The following PLK3 variants were observed in gnomAD, a reference collection of about 807,000 sequenced individuals.
The protein encoded by PLK3 is polo like kinase 3.
Under a neutral mutation model 71.6 loss-of-function variants are expected in PLK3, and 41 were observed. That is an observed-to-expected ratio of 0.57 (90% CI 0.45 to 0.74). The LOEUF is 0.74. Among genes scored for constraint, PLK3 ranks in the 30% least tolerant of loss-of-function variants. The pLI is 0.00. For synonymous variants in PLK3, 366 were observed against 355.4 expected, an observed-to-expected ratio of 1.03 and a Z score of -0.33; for missense variants, 791 against 875.6, an observed-to-expected ratio of 0.90 and a Z score of 1.22.
chr1:44,800,943 A>T lies in PLK3; in HGVS notation c.314A>T (p.Glu105Val), dbSNP rs760745176. 1.9e-6 allele frequency: 3 copies of T among 1,612,862 alleles called. No homozygotes were observed. The South Asian group carries it at 3.3e-5, about 18-fold the overall frequency. Residue 105 changes from glutamate to valine, a missense_variant, in exon 2 of 15, where the codon GAG (glutamate) becomes GTG (valine). Transcript: ENST00000372201. The surrounding 1 kb of genome is among the most constrained non-coding windows in gnomAD (Gnocchi z 6.5). ...CGCGTCGCCAAGCCGCATCAGCGCGAGAAGGTGGGTCCAGGCTCAGCGGGC... is the reference window on the plus strand; with the variant it reads ...CGCGTCGCCAAGCCGCATCAGCGCGTGAAGGTGGGTCCAGGCTCAGCGGGC... ...QSRVAKPHQR[E>V]KILNEIELHR...
Position 44,800,712 on chromosome 1 carries a change from G to C in PLK3, c.210+39G>C, listed in dbSNP as rs1371011529. ...CGTCCGCGGGGTGGTGATGGTGGAG[G>C]TGGGGGTCCCGGCCGGCCTCTTTTC... On this transcript the variant is annotated intron_variant, in intron 1 of 14. Transcript: ENST00000372201. The surrounding 1 kb of genome is among the most constrained non-coding windows in gnomAD (Gnocchi z 6.5). 1 of 1,542,202 alleles carries C rather than the reference G, an allele frequency of 6.5e-7. No homozygotes were observed. The highest frequency in any genetic ancestry group is 8.7e-7 in the Non-Finnish European group (1 of 1,147,008).
chr1:44,804,019 G>A lies in PLK3; in HGVS notation c.1253G>A (p.Gly418Glu), dbSNP rs1247256112. Residue 418 changes from glycine to glutamate, a missense_variant, in exon 10 of 15, where the codon GGA (glycine) becomes GAA (glutamate). By Grantham distance (98) the Gly-to-Glu change is moderately conservative. Coordinates refer to ENST00000372201, the MANE Select transcript of PLK3 (RefSeq NM_004073.4). ...CCCCGTGGGACACTGGCAAGCAGTG[G>A]AGATGGTGAGGAGCCAGGGAGGATG... ...SSPRGTLASS[G>E]DGFEEGLTVA... 1 of 1,554,284 alleles carries A rather than the reference G, an allele frequency of 6.4e-7. No homozygotes were observed. The highest frequency in any genetic ancestry group is 1.2e-5 in the South Asian group (1 of 85,520).
At chr1:44,801,202 TC>T (rs1553161308) in intron 3 of PLK3, 50 bp downstream of exon 3, 35 of 622,366 alleles carry the variant, frequency 5.6e-5, no homozygotes, top group Admixed American at 9.4e-5. Context: ...GAGAAGACAG[TC>T]TTTTTTTTTT....
chr1:44,804,959 G>C (rs1340143390), intron 13 of PLK3, 180 bp downstream of exon 13: 2 of 627,566 alleles, frequency 3.2e-6, no homozygotes, highest in Admixed American at 6.0e-5. Context: ...CAACAAATTA[G>C]CCGGGCGTGG....
intron 13 of PLK3, 170 bp downstream of exon 13, chr1:44,804,949 C>A (rs1008509532): frequency 7.6e-6 from 5 of 655,990 alleles, no homozygotes; most frequent in African/African-American, 7.3e-5. Flanking sequence ...ACTAAAAATA[C>A]AACAAATTAG....
At position 44,802,911 on chromosome 1, in the gene PLK3, C is replaced by CGAG. The variant is rs1651877674; in HGVS notation, c.750-44_750-43insGAG. ...ACAGGTGGTGGGTGTGTGGGTGGAGCATCTCCTCCACTTTACTCCTGACCC... is the reference window on the plus strand; with the variant it reads ...ACAGGTGGTGGGTGTGTGGGTGGAGCGAGATCTCCTCCACTTTACTCCTGACCC... On this transcript the variant is annotated intron_variant, in intron 6 of 14. Coordinates refer to ENST00000372201, the MANE Select transcript of PLK3 (RefSeq NM_004073.4). 1.9e-6 allele frequency: 3 copies of CGAG among 1,590,258 alleles called. No homozygotes were observed. The African/African-American group carries it at 4.0e-5, about 21-fold the overall frequency.
At chr1:44,804,058 G>T in intron 10 of PLK3, 34 bp downstream of exon 10, 1 of 1,546,522 alleles carries the variant, frequency 6.5e-7, no homozygotes, top group Non-Finnish European at 8.9e-7. Flanking sequence ...GGTGATAGAG[G>T]TTGCTGGAGC....
intron 3 of PLK3, 51 bp downstream of exon 3, chr1:44,801,203 CTTTTTTTTTT>C (rs34463102): frequency 1.1e-4 from 39 of 345,230 alleles, no homozygotes; most frequent in East Asian, 2.1e-4. Flanking sequence ...AGAAGACAGT[CTTTTTTTTTT>C]TTTTTTTTTT....
chr1:44,800,822 G>A lies in PLK3; in HGVS notation c.211-18G>A. 6.2e-7 allele frequency: 1 copy of A among 1,602,430 alleles called. No individual in the cohort carries two copies. Among genetic ancestry groups the A allele is most frequent in the South Asian group, 1.1e-5 (1 of 90,134 alleles). On this transcript the variant is annotated intron_variant, in intron 1 of 14. Transcript: ENST00000372201. The surrounding 1 kb of genome is among the most constrained non-coding windows in gnomAD (Gnocchi z 6.5). ...TCGGCCCCCCTGGAACAACCAGCCT[G>A]ATGCCCCCTCTTCACAGGGGGGCTT...
At position 44,805,892 on chromosome 1, in the gene PLK3, G is replaced by A. The variant is rs1652023236; in HGVS notation, c.*214G>A. On this transcript the variant is annotated 3_prime_UTR_variant, in exon 15 of 15. Coordinates refer to ENST00000372201, the MANE Select transcript of PLK3 (RefSeq NM_004073.4). ...GAGCCTTAGCTCCCAGCTAGGGGGCGTTATTTATGGACCACTTTTATTTAT... is the reference window on the plus strand; with the variant it reads ...GAGCCTTAGCTCCCAGCTAGGGGGCATTATTTATGGACCACTTTTATTTAT... The A allele has an allele frequency of 2.1e-6, 3 of 1,443,738 alleles. No individual in the cohort carries two copies. The highest frequency in any genetic ancestry group is 1.8e-6 in the Non-Finnish European group (2 of 1,090,174). 89.4% of individuals were successfully genotyped at this position (1,443,738 alleles called of 1,614,324 possible). A position where few individuals can be genotyped will look rare whatever the true frequency, so the allele number is the denominator to read the frequency against.
In PLK3 at chr1:44,802,853, C is replaced by A; in HGVS notation, c.747C>A (p.Val249=). ...CGGATGTATGGTCACTGGGCTGTGT[C>A]ATGTGAGTTGCAGGGTCCAGGTTCA... ...PEADVWSLGC[V]MYTLLCGSPP... Residue 249 remains valine (V), a splice_region_variant and synonymous_variant, in exon 6 of 15, where the codon GTC becomes GTA. Coordinates refer to ENST00000372201, the MANE Select transcript of PLK3 (RefSeq NM_004073.4). 1.2e-6 allele frequency: 2 copies of A among 1,613,020 alleles called. No homozygotes were observed. Among genetic ancestry groups the A allele is most frequent in the Middle Eastern group, 1.7e-4 (1 of 6,056 alleles).
rs1234489006 is a variant in PLK3, at chr1:44,800,613, G to A, written c.150G>A (p.Gly50=). ...CCGGGCTACCGACGTCAGACCCCGG[G>A]CGCCTCATCACGGACCCGCGCAGCG... The part of the protein sequence containing the change: ...MLAGLPTSDP[G]RLITDPRSGR... Residue 50 remains glycine, a synonymous_variant, in exon 1 of 15, where the codon GGG becomes GGA. Transcript: ENST00000372201. The surrounding 1 kb of genome is among the most constrained non-coding windows in gnomAD (Gnocchi z 6.5). 1.3e-6 allele frequency: 2 copies of A among 1,540,458 alleles called. No individual in the cohort carries two copies. Among genetic ancestry groups the A allele is most frequent in the South Asian group, 2.4e-5 (2 of 83,954 alleles).
At position 44,805,380 on chromosome 1, in the gene PLK3, G is replaced by A. The variant is rs747267133; in HGVS notation, c.1749+1G>A. ...GCTGTTTAGTGATGGCACTGTCCAG[G>A]TAAGAGCCTATCCAGGAGTTGCGGG... is the stretch of plus-strand genomic sequence containing the variant. On this transcript the variant is annotated splice_donor_variant, in intron 14 of 14. Coordinates refer to ENST00000372201, the MANE Select transcript of PLK3 (RefSeq NM_004073.4). LOFTEE classifies it high-confidence loss of function. 6.2e-7 allele frequency: 1 copy of A among 1,612,610 alleles called. No homozygotes were observed. Among genetic ancestry groups the A allele is most frequent in the East Asian group, 2.2e-5 (1 of 44,880 alleles).
chr1:44,804,974 G>A (rs968667779), intron 13 of PLK3, 195 bp downstream of exon 13: 18 of 601,824 alleles, frequency 3.0e-5, no homozygotes, highest in African/African-American at 2.0e-4. Flanking sequence ...GCGTGGTGGC[G>A]GGCGCCTGTA....
At chr1:44,805,145 A>G in intron 13 of PLK3, 121 bp from the exon 14 acceptor site, 1 of 707,620 alleles carries the variant, frequency 1.4e-6, no homozygotes, top group East Asian at 2.6e-5. Flanking sequence ...ACCCATCCTG[A>G]TCCCTCTGAT....
chr1:44,802,737 T>A (rs752477757), intron 5 of PLK3, 23 bp from the exon 6 acceptor site: 5 of 1,568,090 alleles, frequency 3.2e-6, no homozygotes, highest in Non-Finnish European at 4.4e-6. Flanking sequence ...CAGCCTTCTC[T>A]CCTCCTCCCC....
Position 44,805,984 on chromosome 1 carries a change from T to C in PLK3, c.*306T>C. 1 of 1,522,552 alleles carries C rather than the reference T, an allele frequency of 6.6e-7. No individual in the cohort carries two copies. Among genetic ancestry groups the C allele is most frequent in the Non-Finnish European group, 8.8e-7 (1 of 1,134,084 alleles). 94.3% of individuals were successfully genotyped at this position (1,522,552 alleles called of 1,614,324 possible). ...CTCCTCCTAGGATAATAAACAATTT[T>C]GCAGAATTGGACTCCCCCTCACTCG... is the stretch of plus-strand genomic sequence containing the variant. On this transcript the variant is annotated 3_prime_UTR_variant, in exon 15 of 15. Coordinates refer to ENST00000372201, the MANE Select transcript of PLK3 (RefSeq NM_004073.4).
At chr1:44,802,028 G>A (rs546252951) in intron 5 of PLK3, 96 bp downstream of exon 5, 9 of 896,514 alleles carry the variant, frequency 1.0e-5, no homozygotes, top group Non-Finnish European at 1.6e-5. Context: ...TGCCTGATGT[G>A]TGCATGAGAT....
rs1462813579 is a variant in PLK3, at chr1:44,801,658, T to C, written c.472T>C (p.Leu158=). 2 of 1,613,674 alleles carry C rather than the reference T, an allele frequency of 1.2e-6. No homozygotes were observed. The highest frequency in any genetic ancestry group is 1.7e-5 in the Admixed American group (1 of 59,994). Reference sequence around the variant, plus strand: ...CATCTGGAAGGCCCGGCACACCCTGTTGGAGCCAGAAGTGCGCTACTACCT... The same window carrying C: ...CATCTGGAAGGCCCGGCACACCCTGCTGGAGCCAGAAGTGCGCTACTACCT... The part of the protein sequence containing the change: ...AHIWKARHTL[L]EPEVRYYLRQ... Residue 158 remains leucine, a synonymous_variant, in exon 4 of 15, where the codon TTG becomes CTG. Coordinates refer to ENST00000372201, the MANE Select transcript of PLK3 (RefSeq NM_004073.4).
Sources: gnomAD v4.1 joint callset for allele counts on GRCh38, gnomAD v4.1.1 for gene constraint, Gnocchi (gnomAD v3.1) non-coding constraint, MANE v1.5 for transcripts, NCBI Gene and HGNC (gene_info 2026-07-23, HGNC 2026-07-21) for gene names.